The following TTC7B variants were observed in gnomAD, a reference collection of about 807,000 sequenced individuals.
TTC7B encodes the protein tetratricopeptide repeat domain 7B, also known as tetratricopeptide repeat protein 7B.
In TTC7B, 28 loss-of-function variants were observed where a neutral mutation model predicts 106.8. The ratio of observed to expected loss-of-function variants is 0.26; its 90% confidence interval spans 0.19 to 0.36. The LOEUF is 0.36. TTC7B is among the 10% of genes least tolerant of loss of function. TTC7B has a pLI of 1.00. For synonymous variants in TTC7B, 405 were observed against 430.6 expected (o/e 0.94, Z 0.74); for missense variants, 862 against 1,076.4 (o/e 0.80, Z 2.79).
chr14:90,591,954 C>T (rs1171577161), intron 18 of TTC7B, among the ~76,000 whole-genome samples: 1 of 152,228 alleles, frequency 6.6e-6, no homozygotes, highest in Non-Finnish European at 1.5e-5. Flanking sequence ...CAGAGAAGAA[C>T]AACTGTGAAT....
intron 4 of TTC7B, among the ~76,000 whole-genome samples, chr14:90,737,204 G>T (rs1346810698): frequency 6.6e-6 from 1 of 152,002 alleles, no homozygotes; most frequent in Non-Finnish European, 1.5e-5. Flanking sequence ...TAGACAAAAA[G>T]GATAAGCAGA....
At chr14:90,725,101 G>A (rs1303375362) in intron 5 of TTC7B, among the ~76,000 whole-genome samples, 1 of 152,228 alleles carries the variant, frequency 6.6e-6, no homozygotes, top group Non-Finnish European at 1.5e-5. Context: ...GGAAACGTGT[G>A]TGAATTCTCT....
intron 5 of TTC7B, among the ~76,000 whole-genome samples, chr14:90,727,275 C>G (rs1177209917): frequency 6.6e-6 from 1 of 152,142 alleles, no homozygotes; most frequent in Non-Finnish European, 1.5e-5. Context: ...GACAGTCAAT[C>G]CCTCCCATCG....
intron 5 of TTC7B, among the ~76,000 whole-genome samples, chr14:90,718,225 T>C (rs896299171): frequency 6.6e-6 from 1 of 152,172 alleles, no homozygotes; most frequent in Non-Finnish European, 1.5e-5. Flanking sequence ...AGATGATAGC[T>C]CCCTTTCCTG....
chr14:90,568,905 CAGTTTCAAAAGGATGTGAGGAAAT>C (rs1890905251), intron 19 of TTC7B, among the ~76,000 whole-genome samples: 1 of 152,168 alleles, frequency 6.6e-6, no homozygotes, highest in Non-Finnish European at 1.5e-5. Context: ...TAAAAAAGTG[CAGTTTCAAAAGGATGTGAGGAAAT>C]AGCTTACATC....
At chr14:90,621,573 C>T (rs561610850) in intron 15 of TTC7B, among the ~76,000 whole-genome samples, 3 of 151,976 alleles carry the variant, frequency 2.0e-5, no homozygotes, top group African/African-American at 7.2e-5. Flanking sequence ...AGAAGCCATG[C>T]GAGTATGGCC....
At chr14:90,617,313 C>T (rs1239911402) in intron 16 of TTC7B, among the ~76,000 whole-genome samples, 1 of 152,204 alleles carries the variant, frequency 6.6e-6, no homozygotes, top group African/African-American at 2.4e-5. Context: ...TTTGTATCTA[C>T]TTGCAAATCA....
At chr14:90,596,414 G>T (rs1329854503) in intron 17 of TTC7B, among the ~76,000 whole-genome samples, 2 of 152,166 alleles carry the variant, frequency 1.3e-5, no homozygotes, top group African/African-American at 2.4e-5. Context: ...TATGAATAAG[G>T]TCTGGCAGAT....
rs147088254 is a variant in TTC7B at position 90,571,437 on chromosome 14, T to C, written c.2310+6669A>G. 2.6e-5 allele frequency among the ~76,000 whole-genome samples: 4 copies of C among 152,338 alleles called. No homozygotes were observed. The East Asian group carries it at 7.7e-4, about 29-fold the overall frequency. On this transcript the variant is annotated intron_variant, in intron 19 of 19. Transcript: ENST00000328459. The stretch of plus-strand genomic sequence containing the variant: ...AGAGAAATGAGGGCCTGTGCACTTT[T>C]CAGGGTCCTCTCAACAAGCACATGG...
At chr14:90,595,104 C>T (rs947015064) in intron 17 of TTC7B, among the ~76,000 whole-genome samples, 5 of 152,102 alleles carry the variant, frequency 3.3e-5, no homozygotes, top group Admixed American at 6.6e-5. Flanking sequence ...GAGGCCGAGG[C>T]GGGCAGATCA....
intron 1 of TTC7B, among the ~76,000 whole-genome samples, chr14:90,801,758 T>C (rs143390204): frequency 4.9e-4 from 75 of 152,220 alleles, no homozygotes; most frequent in Admixed American, 9.8e-4. Flanking sequence ...TTTGAGTGCA[T>C]TGAAAGCTGC....
rs1490051841 is a variant in TTC7B at position 90,528,374 on chromosome 14, C to T, written c.*12994G>A. The T allele has an allele frequency of 6.6e-6, 1 of 152,438 alleles. No individual in the cohort carries two copies. Among genetic ancestry groups the T allele is most frequent in the African/African-American group, 2.4e-5 (1 of 41,440 alleles). The allele number at this position is 152,438 out of a possible 1,614,324, so 9.4% of individuals were successfully genotyped here. A position where few individuals can be genotyped will look rare whatever the true frequency, so the allele number is the denominator to read the frequency against. On this transcript the variant is annotated 3_prime_UTR_variant, in exon 20 of 20. Coordinates refer to ENST00000328459, the MANE Select transcript of TTC7B (RefSeq NM_001010854.2). ...GTGACCACGCAAAGTGGTAGAGCAA[C>T]TTATTTTATTTTTGTCATTCTTTTG... is the stretch of plus-strand genomic sequence containing the variant.
intron 18 of TTC7B, among the ~76,000 whole-genome samples, chr14:90,589,011 T>C (rs1162582622): frequency 6.0e-5 from 9 of 150,954 alleles, no homozygotes; most frequent in African/African-American, 2.0e-4. Flanking sequence ...TCTAAGAAGA[T>C]AAATGGTCAA....
At chr14:90,617,260 A>G (rs1342326224) in intron 16 of TTC7B, among the ~76,000 whole-genome samples, 2 of 152,182 alleles carry the variant, frequency 1.3e-5, no homozygotes, top group Non-Finnish European at 2.9e-5. Flanking sequence ...CCTGCAGTAA[A>G]GAACCCCAAA....
chr14:90,591,667 T>C (rs1891963623), intron 18 of TTC7B, among the ~76,000 whole-genome samples: 1 of 152,168 alleles, frequency 6.6e-6, no homozygotes, highest in African/African-American at 2.4e-5. Flanking sequence ...AAACCCAACT[T>C]TGAGACCAAT....
chr14:90,608,728 T>G lies in TTC7B; in HGVS notation c.1966+2014A>C, dbSNP rs1413545613. Among the ~76,000 whole-genome samples the G allele has an allele frequency of 1.3e-5, 2 of 152,166 alleles. No homozygotes were observed. Among genetic ancestry groups the G allele is most frequent in the Non-Finnish European group, 1.5e-5 (1 of 68,032 alleles). On this transcript the variant is annotated intron_variant, in intron 17 of 19. Transcript: ENST00000328459. The surrounding 1 kb of genome is among the most constrained non-coding windows in gnomAD (Gnocchi z 5.1). ...AAGCTGAATCTGAAGAGGGAGACTC[T>G]CAAGCACTCTAGGAAAAATGTCCCA...
At chr14:90,733,123 C>T (rs17721217) in intron 4 of TTC7B, among the ~76,000 whole-genome samples, 38,167 of 151,954 alleles carry the variant, frequency 0.25, 6,066 homozygotes, top group Non-Finnish European at 0.34. Flanking sequence ...ACTTTCAAGG[C>T]CAATCATAAA....
intron 1 of TTC7B, among the ~76,000 whole-genome samples, chr14:90,788,423 A>G (rs1566888573): frequency 6.6e-6 from 1 of 152,198 alleles, no homozygotes; most frequent in Non-Finnish European, 1.5e-5. Flanking sequence ...TTTCTTACAG[A>G]ATACTAAATG....
intron 19 of TTC7B, among the ~76,000 whole-genome samples, chr14:90,561,188 A>C (rs1312359013): frequency 1.3e-5 from 2 of 152,186 alleles, no homozygotes; most frequent in Non-Finnish European, 2.9e-5. Context: ...TCTGTTTATG[A>C]AGAAAGACGC....
Sources: allele counts gnomAD v4.1 joint callset (sites outside exome capture counted in the v4.1 genomes callset), GRCh38; gene constraint gnomAD v4.1.1; non-coding constraint Gnocchi (gnomAD v3.1); transcripts MANE v1.5; gene names NCBI Gene and HGNC (gene_info 2026-07-23, HGNC 2026-07-21).